Variants in IGSF22 observed in about 807,000 individuals in gnomAD.
IGSF22 encodes the protein immunoglobulin superfamily, member 22.
In IGSF22, 119 loss-of-function variants were observed where a neutral mutation model predicts 127.0. The ratio of observed to expected loss-of-function variants is 0.94; its 90% CI spans 0.81 to 1.09. The LOEUF is 1.09. Among genes scored for constraint, IGSF22 ranks in the 50% least tolerant of loss-of-function variants. The pLI is 0.00. For synonymous variants in IGSF22, 568 were observed against 664.7 expected (o/e 0.85, Z 2.24); for missense variants, 1,518 against 1,716.6 (o/e 0.88, Z 2.04).
Position 18,709,783 on chromosome 11 carries a change from A to T in IGSF22, c.2702-100T>A. On this transcript the variant is annotated intron_variant, in intron 17 of 22. Coordinates refer to ENST00000513874, the MANE Select transcript of IGSF22 (RefSeq NM_173588.4). The surrounding 1 kb of genome is among the most constrained non-coding windows in gnomAD (Gnocchi z 4.8). Reference sequence around the variant, plus strand: ...ATACTCCTGAACCCCATCCTTCACTACTTCTAGCTCCAGATCCCTCAGTTA... The same window carrying T: ...ATACTCCTGAACCCCATCCTTCACTTCTTCTAGCTCCAGATCCCTCAGTTA... The T allele has an allele frequency of 8.2e-7, 1 of 1,223,154 alleles. No homozygotes were observed. Among genetic ancestry groups the T allele is most frequent in the Non-Finnish European group, 1.1e-6 (1 of 879,140 alleles). 75.8% of individuals were successfully genotyped at this position (1,223,154 alleles called of 1,614,324 possible).
At chr11:18,714,736 C>A in intron 11 of IGSF22, 112 bp from the exon 12 acceptor site, 1 of 1,386,208 alleles carries the variant, frequency 7.2e-7, no homozygotes, top group Non-Finnish European at 9.7e-7. Flanking sequence ...CTGCGTCAAT[C>A]AAAATAATTT....
At chr11:18,721,748 C>T in intron 3 of IGSF22, 77 bp from the exon 4 acceptor site, 1 of 1,600,018 alleles carries the variant, frequency 6.2e-7, no homozygotes, top group Non-Finnish European at 8.5e-7. Context: ...CGGCTCTCTG[C>T]CTCCTCCCAG....
chr11:18,725,475 C>T (rs1848637630), intron 1 of IGSF22, among the ~76,000 whole-genome samples: 1 of 151,802 alleles, frequency 6.6e-6, no homozygotes, highest in South Asian at 2.1e-4. Context: ...GAGTCTTGCT[C>T]TGTTGCCCAG....
Position 18,707,030 on chromosome 11 carries a change from G to A in IGSF22, c.3464C>T (p.Thr1155Ile). The stretch of plus-strand genomic sequence containing the variant: ...CCTGCCTGGGAGCAGCCCCGTCACT[G>A]TGTACTTGTTGCTGAAGACACGCTC... ...AAERVFSNKY[T>I]VTGLLPGRKY... Residue 1155 changes from threonine (T) to isoleucine (I), a missense_variant, in exon 21 of 23, where the codon ACA becomes ATA. Around this residue, in one of 3 missense-constraint regions of IGSF22, gnomAD observed 1,456 missense variants for 1,644.9 expected, o/e 0.89. Coordinates refer to ENST00000513874, the MANE Select transcript of IGSF22 (RefSeq NM_173588.4). The A allele has an allele frequency of 6.4e-7, 1 of 1,551,662 alleles. No individual in the cohort carries two copies. Among genetic ancestry groups the A allele is most frequent in the East Asian group, 2.4e-5 (1 of 40,922 alleles).
chr11:18,710,375 C>T lies in IGSF22; in HGVS notation c.2653G>A (p.Gly885Arg). 2 of 1,614,196 alleles carry T rather than the reference C, an allele frequency of 1.2e-6. No individual in the cohort carries two copies. Among genetic ancestry groups the T allele is most frequent in the Non-Finnish European group, 8.5e-7 (1 of 1,180,042 alleles). Residue 885 changes from glycine (G) to arginine (R), a missense_variant, in exon 17 of 23, where the codon GGA becomes AGA. Physicochemically the swap from Gly to Arg is moderately radical, Grantham distance 125. This residue lies in a region of IGSF22 where 1,456 missense variants were observed against 1,644.9 expected (regional missense o/e 0.89). Coordinates refer to ENST00000513874, the MANE Select transcript of IGSF22 (RefSeq NM_173588.4). ...GAGCTGGATGGCACACTGGGCTGTC[C>T]AGGGCCTGCCTTATTTACAGCTATA... Reference protein sequence around the residue: ...RVIAVNKAGPGQPSVPSSSVV... With the variant: ...RVIAVNKAGPRQPSVPSSSVV...
chr11:18,705,736 C>CAAAT, intron 22 of IGSF22, 81 bp downstream of exon 22: 1 of 1,294,126 alleles, frequency 7.7e-7, no homozygotes, highest in East Asian at 2.5e-5. Flanking sequence ...CGGTGCCAGC[C>CAAAT]AAATAGTTGA....
intron 20 of IGSF22, 79 bp from the exon 21 acceptor site, chr11:18,707,292 C>A (rs1016972872): frequency 2.3e-6 from 3 of 1,286,448 alleles, no homozygotes; most frequent in African/African-American, 3.0e-5. Context: ...CTGCCAAGTC[C>A]GATGGAAGAT....
chr11:18,714,758 G>A, intron 11 of IGSF22, 134 bp from the exon 12 acceptor site: 1 of 1,258,548 alleles, frequency 7.9e-7, no homozygotes, highest in Non-Finnish European at 1.1e-6. Flanking sequence ...TGATGAGCAG[G>A]CGGCTTGCCA....
intron 20 of IGSF22, 109 bp from the exon 21 acceptor site, chr11:18,707,322 G>A (rs973118024): frequency 2.0e-6 from 2 of 1,009,010 alleles, no homozygotes. Flanking sequence ...CAAGTCTCAG[G>A]CAGCTGGTGT....
rs779866651 is a variant in IGSF22 at position 18,716,787 on chromosome 11, C to G, written c.1187G>C (p.Ser396Thr). ...CCCCGCCTCAGCAGAGAACTCGCCG[C>G]TGTCACTGAGTCTGGCATCCTTAAT... ...LKIKDARLSD[S>T]GEFSAEAGNL... is the part of the protein sequence containing the mutation. The change falls in exon 10 of 23, where the codon AGC (serine) becomes ACC (threonine). Residue 396 changes from serine to threonine, a missense_variant. Ser to Thr is a moderately conservative substitution (Grantham distance 58). Around this residue, in one of 3 missense-constraint regions of IGSF22, gnomAD observed 1,456 missense variants for 1,644.9 expected, o/e 0.89. Transcript: ENST00000513874. The surrounding 1 kb of genome is among the most constrained non-coding windows in gnomAD (Gnocchi z 4.5). 6.2e-6 allele frequency: 10 copies of G among 1,614,126 alleles called. No homozygotes were observed. The highest frequency in any genetic ancestry group is 1.7e-5 in the Admixed American group (1 of 60,004).
intron 2 of IGSF22, among the ~76,000 whole-genome samples, chr11:18,723,774 G>C (rs1848609448): frequency 6.6e-6 from 1 of 152,186 alleles, no homozygotes; most frequent in Non-Finnish European, 1.5e-5. Context: ...ATGTAGATAA[G>C]GTGGCTACCT....
chr11:18,716,741 C>G lies in IGSF22; in HGVS notation c.1233G>C (p.Gln411His). The G allele has an allele frequency of 6.2e-7, 1 of 1,614,116 alleles. No homozygotes were observed. Among genetic ancestry groups the G allele is most frequent in the South Asian group, 1.1e-5 (1 of 91,078 alleles). Residue 411 changes from glutamine to histidine, a missense_variant, in exon 10 of 23, where the codon CAG (glutamine) becomes CAC (histidine). By Grantham distance (24) the Gln-to-His change is conservative. This residue lies in a region of IGSF22 where 1,456 missense variants were observed against 1,644.9 expected (regional missense o/e 0.89). Transcript: ENST00000513874. The surrounding 1 kb of genome is among the most constrained non-coding windows in gnomAD (Gnocchi z 4.5). Reference sequence around the variant, plus strand: ...CCAACCACTCACGGTCAACAGTGAGCTGGGCCTTTTGTACCAGGTTCCCCG... The same window carrying G: ...CCAACCACTCACGGTCAACAGTGAGGTGGGCCTTTTGTACCAGGTTCCCCG... Reference protein sequence around the residue: ...AEAGNLVQKAQLTVDRIPIKF... With the variant: ...AEAGNLVQKAHLTVDRIPIKF...
intron 10 of IGSF22, among the ~76,000 whole-genome samples, chr11:18,715,986 A>C (rs1253292400): frequency 2.0e-5 from 3 of 152,212 alleles, no homozygotes; most frequent in Non-Finnish European, 2.9e-5. Context: ...GAACTTTTAC[A>C]GTGCTCAATA....
chr11:18,714,656 A>C (rs1449489242), intron 11 of IGSF22, 32 bp from the exon 12 acceptor site: 1 of 1,610,194 alleles, frequency 6.2e-7, no homozygotes, highest in Non-Finnish European at 8.5e-7. Context: ...GGACTGGCTC[A>C]GGATGTTGGG....
intron 1 of IGSF22, among the ~76,000 whole-genome samples, chr11:18,725,550 C>T (rs1200964532): frequency 2.6e-5 from 4 of 152,194 alleles, no homozygotes; most frequent in Non-Finnish European, 5.9e-5. Context: ...AAGCAATTCT[C>T]CTGCCTCAGG....
At position 18,707,006 on chromosome 11, in the gene IGSF22, C is replaced by G. The variant is rs978111691; in HGVS notation, c.3488G>C (p.Arg1163Thr). The change falls in exon 21 of 23, where the codon AGG becomes ACG. Residue 1163 changes from arginine (R) to threonine (T), a missense_variant. Physicochemically the swap from Arg to Thr is moderately conservative, Grantham distance 71. This residue lies in a region of IGSF22 where 1,456 missense variants were observed against 1,644.9 expected (regional missense o/e 0.89). Transcript: ENST00000513874. ...AGCCACCACTCTGAAGTAGTACTTC[C>G]TGCCTGGGAGCAGCCCCGTCACTGT... Reference protein sequence around the residue: ...KYTVTGLLPGRKYYFRVVARN... With the variant: ...KYTVTGLLPGTKYYFRVVARN... 6.4e-7 allele frequency: 1 copy of G among 1,551,228 alleles called. No homozygotes were observed. The highest frequency in any genetic ancestry group is 1.4e-5 in the African/African-American group (1 of 73,028).
Position 18,706,747 on chromosome 11 carries a change from C to A in IGSF22, c.3580+167G>T, listed in dbSNP as rs922616635. ...ACTTTAGTCTCACCCCTAAGTACCCCGAAGAAAGCCAATATTTCCTTCTCT... is the reference window on the plus strand; with the variant it reads ...ACTTTAGTCTCACCCCTAAGTACCCAGAAGAAAGCCAATATTTCCTTCTCT... On this transcript the variant is annotated intron_variant, in intron 21 of 22. Transcript: ENST00000513874. 7.4e-5 allele frequency: 45 copies of A among 610,186 alleles called. 1 individual carries two copies. The South Asian group carries it at 1.1e-3, about 15-fold the overall frequency. The allele number at this position is 610,186 out of a possible 1,614,324, so 37.8% of individuals were successfully genotyped here. A position where few individuals can be genotyped will look rare whatever the true frequency, so the allele number is the denominator to read the frequency against.
rs1387084418 is a variant in IGSF22, at chr11:18,709,454, A to G, written c.2931T>C (p.Ala977=). 2 of 1,614,144 alleles carry G rather than the reference A, an allele frequency of 1.2e-6. No homozygotes were observed. The highest frequency in any genetic ancestry group is 3.3e-5 in the Admixed American group (2 of 60,016). The change falls in exon 18 of 23, where the codon GCT becomes GCC. Residue 977 remains alanine, a synonymous_variant. Transcript: ENST00000513874. The surrounding 1 kb of genome is among the most constrained non-coding windows in gnomAD (Gnocchi z 4.8). ...GCTCCCCAACCCCAGCCTCATTCAC[A>G]GCCCGGATTCGGAAGAAGTATTTCT... The part of the protein sequence containing the change: ...ERQKYFFRIR[A]VNEAGVGEPV...
intron 14 of IGSF22, among the ~76,000 whole-genome samples, chr11:18,712,868 T>C (rs2134162160): frequency 6.6e-6 from 1 of 152,284 alleles, no homozygotes; most frequent in Non-Finnish European, 1.5e-5. Flanking sequence ...AACTTTCCCA[T>C]CCCAGAGCTC....
Sources: allele counts gnomAD v4.1 joint callset (sites outside exome capture counted in the v4.1 genomes callset), GRCh38; gene constraint gnomAD v4.1.1; regional missense constraint gnomAD v4.1.1; non-coding constraint Gnocchi (gnomAD v3.1); transcripts MANE v1.5; gene names NCBI Gene and HGNC (gene_info 2026-07-23, HGNC 2026-07-21).